ADGRL2: variants seen among roughly 807,000 people sequenced by gnomAD.
ADGRL2 encodes adhesion G protein-coupled receptor L2.
A neutral mutation model predicts 157.4 loss-of-function variants in ADGRL2; 44 were observed. That is an observed-to-expected ratio of 0.28 (90% CI 0.22 to 0.36). The LOEUF is 0.36. Among genes scored for constraint, ADGRL2 ranks in the 10% least tolerant of loss-of-function variants. ADGRL2 has a pLI of 1.00. For missense variants in ADGRL2, 1,510 were observed against 1,768.9 expected (o/e 0.85, Z 2.63); for synonymous variants, 585 against 624.7 (o/e 0.94, Z 0.95).
chr1:81,950,568 G>A (rs1409238929), intron 7 of ADGRL2, 86 bp downstream of exon 7: 2 of 1,290,370 alleles, frequency 1.5e-6, no homozygotes, highest in Non-Finnish European at 2.1e-6. Flanking sequence ...TTCAAAGAAA[G>A]CGATGTTTAC....
At position 81,784,727 on chromosome 1, in the gene ADGRL2, C is replaced by CAAAA. The variant is rs375897514; in HGVS notation, c.-101+22891_-101+22894dup. ...TGGGCGACAGAGTGAGACCCCGTCT[C>CAAAA]AAAAAAAAAAAAAAAAAAATTGCAG... On this transcript the variant is annotated intron_variant, in intron 2 of 20. Transcript: ENST00000359929. 4.1e-3 allele frequency among the ~76,000 whole-genome samples: 457 copies of CAAAA among 110,148 alleles called. 8 individuals carry two copies. The highest frequency in any genetic ancestry group is 0.012 in the African/African-American group (345 of 28,782). 72.3% of individuals were successfully genotyped at this position (110,148 alleles called of 152,430 possible). A position where few individuals can be genotyped will look rare whatever the true frequency, so the allele number is the denominator to read the frequency against.
intron 1 of ADGRL2, among the ~76,000 whole-genome samples, chr1:81,364,090 C>T (rs2100933231): frequency 6.6e-6 from 1 of 152,248 alleles, no homozygotes; most frequent in African/African-American, 2.4e-5. Context: ...TTTCCCAACA[C>T]TTGCATTTGC....
chr1:81,892,131 G>A (rs1429576141), intron 2 of ADGRL2, among the ~76,000 whole-genome samples: 3 of 151,972 alleles, frequency 2.0e-5, no homozygotes, highest in African/African-American at 7.2e-5. Context: ...TATCATGACT[G>A]CTTTTCAAAT....
At chr1:81,725,791 G>C (rs9324182) in intron 1 of ADGRL2, among the ~76,000 whole-genome samples, 20,322 of 152,042 alleles carry the variant, frequency 0.13, 1,495 homozygotes, top group South Asian at 0.2. Flanking sequence ...ATTCCACAAT[G>C]TAAAATACAT....
intron 1 of ADGRL2, among the ~76,000 whole-genome samples, chr1:81,384,905 A>G (rs2076408199): frequency 6.6e-6 from 1 of 152,184 alleles, no homozygotes; most frequent in Non-Finnish European, 1.5e-5. Flanking sequence ...CAGACAAATT[A>G]CCTTCTCTAT....
At chr1:81,505,266 G>T (rs2078948067) in intron 2 of ADGRL2, 1 of 534,274 alleles carries the variant, frequency 1.9e-6, no homozygotes, top group Admixed American at 2.2e-5. Context: ...GCCTCAGCCT[G>T]CAGGGTGTGG....
At chr1:81,857,439 G>A (rs948574048) in intron 2 of ADGRL2, among the ~76,000 whole-genome samples, 1 of 152,176 alleles carries the variant, frequency 6.6e-6, no homozygotes, top group Non-Finnish European at 1.5e-5. Context: ...ACAGCCAATT[G>A]AGAAAGTGGA....
At chr1:81,387,446 G>C (rs1052446542) in intron 1 of ADGRL2, among the ~76,000 whole-genome samples, 2 of 152,038 alleles carry the variant, frequency 1.3e-5, no homozygotes, top group South Asian at 2.1e-4. Context: ...AACCAAAAAG[G>C]CAGGTTGTAT....
chr1:81,626,885 C>T (rs11163343), intron 3 of ADGRL2, among the ~76,000 whole-genome samples: 51,250 of 151,944 alleles, frequency 0.34, 8,808 homozygotes, highest in South Asian at 0.38. Context: ...AGTTTCATGA[C>T]GTCTTATACA....
intron 1 of ADGRL2, among the ~76,000 whole-genome samples, chr1:81,329,634 A>C (rs1570635133): frequency 2.0e-5 from 3 of 152,298 alleles, no homozygotes; most frequent in South Asian, 4.1e-4. Flanking sequence ...TTAGAAAAGA[A>C]AGCTCTAAAT....
chr1:81,720,111 G>A (rs555717711), intron 1 of ADGRL2, among the ~76,000 whole-genome samples: 154 of 151,440 alleles, frequency 1.0e-3, no homozygotes, highest in African/African-American at 3.4e-3. Context: ...TCTTCTAGTC[G>A]TATTACAGAC....
chr1:81,645,321 G>A (rs192696173), intron 3 of ADGRL2, among the ~76,000 whole-genome samples: 18 of 145,814 alleles, frequency 1.2e-4, no homozygotes, highest in Admixed American at 1.1e-3. Flanking sequence ...GAGGCCAGGA[G>A]TTGGAGGTTA....
upstream of ADGRL2, among the ~76,000 whole-genome samples, chr1:81,796,238 C>T (rs1039330408): frequency 6.6e-6 from 1 of 152,136 alleles, no homozygotes; most frequent in Admixed American, 6.6e-5. Context: ...ATCCACCTGC[C>T]TTAGCCTCCC....
intron 2 of ADGRL2, among the ~76,000 whole-genome samples, chr1:81,450,505 C>A (rs1341339711): frequency 6.6e-6 from 1 of 151,964 alleles, no homozygotes; most frequent in Non-Finnish European, 1.5e-5. Context: ...GTGGCAGAGC[C>A]AGGATTTGAA....
At chr1:81,729,460 A>T (rs2084648930) in intron 1 of ADGRL2, among the ~76,000 whole-genome samples, 1 of 152,210 alleles carries the variant, frequency 6.6e-6, no homozygotes, top group Non-Finnish European at 1.5e-5. Flanking sequence ...AAATGAAAAG[A>T]ACTACCTCTT....
chr1:81,951,900 T>G (rs1651939384), intron 8 of ADGRL2, 57 bp from the exon 9 acceptor site: 1 of 1,386,048 alleles, frequency 7.2e-7, no homozygotes, highest in East Asian at 2.4e-5. Flanking sequence ...CAAGGAGAAC[T>G]AGAAGCTGTA....
intron 3 of ADGRL2, among the ~76,000 whole-genome samples, chr1:81,598,372 G>A (rs1031219258): frequency 1.6e-4 from 25 of 152,106 alleles, no homozygotes; most frequent in African/African-American, 6.0e-4. Context: ...AAGAGAGTAG[G>A]TAAGAGAGAA....
intron 2 of ADGRL2, among the ~76,000 whole-genome samples, chr1:81,499,191 G>C (rs77078170): frequency 0.028 from 4,285 of 152,328 alleles, 86 homozygotes; most frequent in Non-Finnish European, 0.04. Context: ...ACATGTATTC[G>C]AGAAGTAAAT....
chr1:81,888,995 C>T (rs1402695871), intron 2 of ADGRL2, among the ~76,000 whole-genome samples: 1 of 152,176 alleles, frequency 6.6e-6, no homozygotes, highest in Non-Finnish European at 1.5e-5. Context: ...CCATTCCAGA[C>T]GATGAACTTA....
Sources: gnomAD v4.1 joint callset for allele counts (sites outside exome capture counted in the v4.1 genomes callset) on GRCh38, gnomAD v4.1.1 for gene constraint, MANE v1.5 for transcripts, NCBI Gene and HGNC (gene_info 2026-07-23, HGNC 2026-07-21) for gene names.